PPP1R12B: variants seen among roughly 807,000 people sequenced by gnomAD.
PPP1R12B encodes the protein protein phosphatase 1 regulatory subunit 12B, also known as myosin phosphatase target subunit 2.
In PPP1R12B, 76 loss-of-function variants were observed where a neutral mutation model predicts 126.1. The observed-to-expected ratio is 0.60, with a 90% CI of 0.50 to 0.73. The LOEUF (loss-of-function observed/expected upper bound fraction) is 0.73. Ranked by LOEUF, PPP1R12B falls within the 30% of genes least tolerant of loss-of-function variation. The pLI, the probability that PPP1R12B is intolerant of heterozygous loss-of-function variation, is 0.00. For synonymous variants in PPP1R12B, 356 were observed against 434.7 expected (o/e 0.82, Z 2.25); for missense variants, 1,052 against 1,205.1 (o/e 0.87, Z 1.88).
At chr1:202,502,089 G>GATC (rs1680289813) in intron 18 of PPP1R12B, 1 of 985,562 alleles carries the variant, frequency 1.0e-6, no homozygotes, top group Non-Finnish European at 1.2e-6. Flanking sequence ...GATAAATCAG[G>GATC]TGGCACTCAA....
At chr1:202,387,184 T>A (rs1281636836) in intron 1 of PPP1R12B, among the ~76,000 whole-genome samples, 1 of 152,240 alleles carries the variant, frequency 6.6e-6, no homozygotes, top group Non-Finnish European at 1.5e-5. Context: ...ATTAACATTA[T>A]TTTAAGCCTT....
At chr1:202,393,056 G>A (rs540995293) in intron 1 of PPP1R12B, among the ~76,000 whole-genome samples, 2 of 151,996 alleles carry the variant, frequency 1.3e-5, no homozygotes, top group South Asian at 2.1e-4. Context: ...AGGGATTCTC[G>A]TGCCTCAGCC....
chr1:202,413,895 G>T (rs1162696276), intron 1 of PPP1R12B, among the ~76,000 whole-genome samples: 1 of 151,914 alleles, frequency 6.6e-6, no homozygotes, highest in African/African-American at 2.4e-5. Flanking sequence ...GTTTTTCTTG[G>T]ATATTATACC....
chr1:202,529,306 A>G (rs1448178232), intron 18 of PPP1R12B, among the ~76,000 whole-genome samples: 1 of 134,530 alleles, frequency 7.4e-6, no homozygotes, highest in Non-Finnish European at 1.6e-5. Flanking sequence ...GTTATTATTG[A>G]AAAAAAAAAA....
intron 18 of PPP1R12B, among the ~76,000 whole-genome samples, chr1:202,499,275 G>A (rs540922361): frequency 4.3e-4 from 66 of 151,954 alleles, no homozygotes; most frequent in African/African-American, 1.5e-3. Flanking sequence ...TTTTTTTTGA[G>A]ACAGGGTCTT....
intron 13 of PPP1R12B, among the ~76,000 whole-genome samples, chr1:202,453,154 T>G (rs577922233): frequency 1.3e-5 from 2 of 152,312 alleles, no homozygotes; most frequent in East Asian, 3.9e-4. Flanking sequence ...AGTATGTTCC[T>G]TCTGTACCCA....
At chr1:202,362,040 C>T (rs1571581906) in intron 1 of PPP1R12B, among the ~76,000 whole-genome samples, 2 of 149,328 alleles carry the variant, frequency 1.3e-5, no homozygotes, top group Admixed American at 6.7e-5. Context: ...TATTTATATG[C>T]GGGCATTTCA....
chr1:202,439,078 G>T, intron 10 of PPP1R12B: 1 of 1,435,136 alleles, frequency 7.0e-7, no homozygotes, highest in South Asian at 1.1e-5. Flanking sequence ...TTGCCATCAA[G>T]ACCATCACCT....
At chr1:202,570,689 C>G (rs1247236118) in intron 23 of PPP1R12B, among the ~76,000 whole-genome samples, 1 of 152,052 alleles carries the variant, frequency 6.6e-6, no homozygotes, top group Non-Finnish European at 1.5e-5. Flanking sequence ...TTAGAGATAA[C>G]CAGTTCTTTT....
At chr1:202,537,080 G>A (rs1455647280) in intron 18 of PPP1R12B, among the ~76,000 whole-genome samples, 1 of 152,210 alleles carries the variant, frequency 6.6e-6, no homozygotes, top group Admixed American at 6.5e-5. Context: ...CGGGCATAGT[G>A]GCTCACGCCT....
intron 9 of PPP1R12B, among the ~76,000 whole-genome samples, chr1:202,436,938 T>C (rs1670904643): frequency 6.6e-6 from 1 of 152,122 alleles, no homozygotes; most frequent in Non-Finnish European, 1.5e-5. Flanking sequence ...TCAAATAAAT[T>C]TTCTTGAAAT....
chr1:202,532,883 T>TTA (rs1479192289), intron 18 of PPP1R12B, among the ~76,000 whole-genome samples: 1 of 147,970 alleles, frequency 6.8e-6, no homozygotes, highest in African/African-American at 2.5e-5. Context: ...TTTTTTTTTT[T>TTA]TTTGAGCTGG....
chr1:202,381,933 A>G (rs1307121728), intron 1 of PPP1R12B, among the ~76,000 whole-genome samples: 1 of 152,226 alleles, frequency 6.6e-6, no homozygotes, highest in Non-Finnish European at 1.5e-5. Context: ...GTGTATACCC[A>G]AAGGATTATA....
At chr1:202,371,802 G>T (rs1199834374) in intron 1 of PPP1R12B, among the ~76,000 whole-genome samples, 1 of 149,846 alleles carries the variant, frequency 6.7e-6, no homozygotes, top group Non-Finnish European at 1.5e-5. Flanking sequence ...TTATTCAAAA[G>T]AAGTTTTTTT....
chr1:202,356,329 AGT>A (rs751101287), intron 1 of PPP1R12B, among the ~76,000 whole-genome samples: 11 of 152,162 alleles, frequency 7.2e-5, no homozygotes, highest in Admixed American at 2.6e-4. Flanking sequence ...TGAAGTAATG[AGT>A]GTGAAAGAGG....
intron 18 of PPP1R12B, among the ~76,000 whole-genome samples, chr1:202,536,362 A>G (rs746149079): frequency 1.3e-5 from 2 of 152,230 alleles, no homozygotes; most frequent in African/African-American, 2.4e-5. Context: ...GAGCTGGAAC[A>G]TGATAAGTAT....
intron 18 of PPP1R12B, among the ~76,000 whole-genome samples, chr1:202,548,794 CTCTCTCTCTCTCTCTATATA>C (rs1272924818): frequency 4.4e-5 from 5 of 112,712 alleles, no homozygotes; most frequent in African/African-American, 6.5e-5. Context: ...CTCTCTCTCT[CTCTCTCTCTCTCTCTATATA>C]TATATATATA....
At chr1:202,559,927 C>G (rs1160849991) in intron 19 of PPP1R12B, among the ~76,000 whole-genome samples, 1 of 152,088 alleles carries the variant, frequency 6.6e-6, no homozygotes, top group Non-Finnish European at 1.5e-5. Flanking sequence ...TCAAAATATG[C>G]TATGAAACTG....
At chr1:202,413,553 A>G (rs1667667456) in intron 1 of PPP1R12B, among the ~76,000 whole-genome samples, 2 of 152,174 alleles carry the variant, frequency 1.3e-5, no homozygotes, top group Admixed American at 1.3e-4. Flanking sequence ...TTTATACTTA[A>G]GAAATCATTT....
Sources: gnomAD v4.1 joint callset for allele counts (sites outside exome capture counted in the v4.1 genomes callset) on GRCh38, gnomAD v4.1.1 for gene constraint, MANE v1.5 for transcripts, NCBI Gene and HGNC (gene_info 2026-07-23, HGNC 2026-07-21) for gene names.